The following EYS variants were observed in gnomAD, a reference collection of about 807,000 sequenced individuals.
EYS encodes protein eyes shut homolog.
EYS carries 250 observed loss-of-function variants against 282.1 expected under a neutral mutation model. The observed-to-expected ratio is 0.89, with a 90% confidence interval of 0.80 to 0.98. The LOEUF (loss-of-function observed/expected upper bound fraction) is 0.98, where lower values mean the gene tolerates loss of function less well. Among genes scored for constraint, EYS ranks in the 50% least tolerant of loss-of-function variants. The probability of loss-of-function intolerance (pLI) is 0.00; values close to 1 mark genes in which losing one functional copy is unlikely to be tolerated. For synonymous variants in EYS, 1,355 were observed against 1,282.9 expected, an observed-to-expected ratio of 1.06 and a Z score of -1.20; for missense variants, 4,016 against 3,709.0, an observed-to-expected ratio of 1.08 and a Z score of -2.15.
rs571881640 is a variant in EYS at position 64,095,010 on chromosome 6, T to C, written c.6425-13008A>G. On this transcript the variant is annotated intron_variant, in intron 31 of 42. Transcript: ENST00000503581. ...TTATTTCTGCCTTCATTTCATTATG[T>C]ACCCAGTAGTCATTCAGGAGCAGGT... is the stretch of plus-strand genomic sequence containing the variant. 3.3e-5 allele frequency among the ~76,000 whole-genome samples: 5 copies of C among 152,364 alleles called. No individual in the cohort carries two copies. The East Asian group carries it at 7.7e-4, about 23-fold the overall frequency.
intron 12 of EYS, among the ~76,000 whole-genome samples, chr6:65,172,834 T>G (rs1048539243): frequency 2.0e-5 from 3 of 151,254 alleles, no homozygotes; most frequent in African/African-American, 7.3e-5. Context: ...GATAAGAGAA[T>G]AGTATCTTGA....
intron 26 of EYS, among the ~76,000 whole-genome samples, chr6:64,525,756 T>C (rs189405553): frequency 6.6e-6 from 1 of 151,976 alleles, no homozygotes; most frequent in East Asian, 1.9e-4. Context: ...AAATCAGTCA[T>C]ACACTTCTGG....
At chr6:65,541,622 C>G (rs552223723) in intron 2 of EYS, among the ~76,000 whole-genome samples, 1 of 151,934 alleles carries the variant, frequency 6.6e-6, no homozygotes, top group South Asian at 2.1e-4. Flanking sequence ...ATCTGCCTTT[C>G]CAAGATTTAA....
chr6:64,880,678 T>A (rs1342825931), intron 19 of EYS, among the ~76,000 whole-genome samples: 5 of 150,900 alleles, frequency 3.3e-5, no homozygotes, highest in Non-Finnish European at 7.4e-5. Flanking sequence ...TTTTAATTTC[T>A]TTTTAGAATT....
chr6:64,968,674 T>C (rs1189958346), intron 14 of EYS, among the ~76,000 whole-genome samples: 1 of 152,142 alleles, frequency 6.6e-6, no homozygotes, highest in African/African-American at 2.4e-5. Context: ...GATTGCCTAC[T>C]CCATGTTTAT....
At chr6:64,279,001 A>G (rs1028819729) in intron 30 of EYS, among the ~76,000 whole-genome samples, 3 of 152,108 alleles carry the variant, frequency 2.0e-5, no homozygotes, top group Non-Finnish European at 4.4e-5. Flanking sequence ...CAATCCTCCC[A>G]ACTCAACCAA....
At chr6:64,806,568 T>G (rs374616418) in intron 22 of EYS, among the ~76,000 whole-genome samples, 123 of 152,282 alleles carry the variant, frequency 8.1e-4, no homozygotes, top group African/African-American at 2.6e-3. Flanking sequence ...CATTAAAGCT[T>G]ACTAATCTTT....
chr6:64,352,601 T>C (rs368418843), intron 29 of EYS, among the ~76,000 whole-genome samples: 1 of 151,542 alleles, frequency 6.6e-6, no homozygotes, highest in East Asian at 2.0e-4. Context: ...TGATGGTATA[T>C]AGCAAGTCCT....
chr6:63,752,975 C>T (rs574590864), intron 41 of EYS, among the ~76,000 whole-genome samples: 2 of 151,588 alleles, frequency 1.3e-5, no homozygotes, highest in African/African-American at 4.8e-5. Context: ...TATGTGCAGT[C>T]GTTTGTCATG....
chr6:65,545,913 T>C (rs1279043117), intron 2 of EYS, among the ~76,000 whole-genome samples: 2 of 152,178 alleles, frequency 1.3e-5, no homozygotes, highest in Non-Finnish European at 2.9e-5. Flanking sequence ...TACACTAGCA[T>C]TGCTGTTGAA....
At chr6:64,398,188 A>G (rs1325642623) in intron 28 of EYS, among the ~76,000 whole-genome samples, 1 of 151,942 alleles carries the variant, frequency 6.6e-6, no homozygotes, top group Non-Finnish European at 1.5e-5. Context: ...ACCTACATTG[A>G]TATTATTTAC....
Position 65,029,096 on chromosome 6 carries a change from T to A in EYS, c.2137+28518A>T, listed in dbSNP as rs531666564. 3.3e-5 allele frequency among the ~76,000 whole-genome samples: 5 copies of A among 152,266 alleles called. No homozygotes were observed. The South Asian group carries it at 8.3e-4, about 25-fold the overall frequency. On this transcript the variant is annotated intron_variant, in intron 13 of 42. Coordinates refer to ENST00000503581, the MANE Select transcript of EYS (RefSeq NM_001142800.2). ...AGAGCTGTCCCCTGTGTCCTTTTGA[T>A]TTATTCTCCTTTTTCTTTGAGTACT...
intron 35 of EYS, among the ~76,000 whole-genome samples, chr6:63,875,598 T>G (rs1481106499): frequency 1.3e-5 from 2 of 152,230 alleles, no homozygotes; most frequent in Non-Finnish European, 2.9e-5. Context: ...TTCCGTCTGG[T>G]CCTGGACTTT....
intron 10 of EYS, 22 bp downstream of exon 10, chr6:65,344,016 C>G: frequency 1.2e-6 from 2 of 1,600,032 alleles, no homozygotes; most frequent in Non-Finnish European, 1.7e-6. Context: ...AAATGAAAAG[C>G]AACTACATAA....
intron 28 of EYS, among the ~76,000 whole-genome samples, chr6:64,398,097 T>G (rs1182751305): frequency 6.6e-6 from 1 of 151,876 alleles, no homozygotes; most frequent in South Asian, 2.1e-4. Context: ...TTTAATAATT[T>G]TATAGGTATT....
At chr6:64,134,036 T>G (rs1055692909) in intron 31 of EYS, among the ~76,000 whole-genome samples, 2 of 152,002 alleles carry the variant, frequency 1.3e-5, no homozygotes, top group African/African-American at 2.4e-5. Flanking sequence ...AGGAAGTGTG[T>G]GCTGTGGATG....
chr6:65,539,009 A>T (rs1768063377), intron 2 of EYS, among the ~76,000 whole-genome samples: 2 of 152,340 alleles, frequency 1.3e-5, no homozygotes, highest in African/African-American at 2.4e-5. Flanking sequence ...AAAAAGAAAT[A>T]GAGAGCTTAT....
At chr6:63,782,290 T>C (rs2149666890) in intron 39 of EYS, among the ~76,000 whole-genome samples, 1 of 152,334 alleles carries the variant, frequency 6.6e-6, no homozygotes, top group Admixed American at 6.5e-5. Context: ...AGATTCCCTC[T>C]TTTTCTATTG....
At chr6:64,560,734 A>G (rs537734419) in intron 26 of EYS, among the ~76,000 whole-genome samples, 72 of 152,280 alleles carry the variant, frequency 4.7e-4, no homozygotes, top group African/African-American at 1.6e-3. Context: ...TGTTATATAA[A>G]AATAGGTGCA....
Sources: gnomAD v4.1 joint callset for allele counts (sites outside exome capture counted in the v4.1 genomes callset) on GRCh38, gnomAD v4.1.1 for gene constraint, MANE v1.5 for transcripts, NCBI Gene and HGNC (gene_info 2026-07-23, HGNC 2026-07-21) for gene names.